FLNB: variants seen among roughly 807,000 people sequenced by gnomAD.
FLNB encodes the protein filamin B, also known as filamin-B.
FLNB carries 111 observed loss-of-function variants against 250.6 expected under a neutral mutation model. The ratio of observed to expected loss-of-function variants is 0.44; its 90% CI spans 0.38 to 0.52. The LOEUF is 0.52. Among genes scored for constraint, FLNB ranks in the 20% least tolerant of loss-of-function variants. The probability of loss-of-function intolerance (pLI) is 0.00; values close to 1 mark genes in which losing one functional copy is unlikely to be tolerated. For synonymous variants in FLNB, 1,302 were observed against 1,372.1 expected (o/e 0.95, Z 1.13); for missense variants, 2,869 against 3,447.8 (o/e 0.83, Z 4.20).
At chr3:58,084,790 C>T (rs1463327631) in intron 4 of FLNB, among the ~76,000 whole-genome samples, 4 of 152,072 alleles carry the variant, frequency 2.6e-5, no homozygotes, top group African/African-American at 9.7e-5. Context: ...CTCCTGGTAA[C>T]CTTTATTCTA....
rs1282582191 is a variant in FLNB at position 58,154,865 on chromosome 3, G to A, written c.6709G>A (p.Glu2237Lys). Reference sequence around the variant, plus strand: ...CGCTGTTGAGGGCCCCAGTAAGGCCGAGATTACATTCGATGACCATAAAAA... The same window carrying A: ...CGCTGTTGAGGGCCCCAGTAAGGCCAAGATTACATTCGATGACCATAAAAA... Reference protein sequence around the residue: ...SIAVEGPSKAEITFDDHKNGS... With the variant: ...SIAVEGPSKAKITFDDHKNGS... Residue 2237 changes from glutamate to lysine, a missense_variant, in exon 40 of 46, where the codon GAG becomes AAG. Glu to Lys is a moderately conservative substitution (Grantham distance 56). This residue lies in a region of FLNB where 1,084 missense variants were observed against 1,315.5 expected (regional missense o/e 0.82). Transcript: ENST00000295956. 9.3e-6 allele frequency: 15 copies of A among 1,614,054 alleles called. No individual in the cohort carries two copies. Among genetic ancestry groups the A allele is most frequent in the East Asian group, 2.2e-5 (1 of 44,878 alleles).
At chr3:58,105,349 G>T in intron 11 of FLNB, 133 bp downstream of exon 11, 1 of 1,097,428 alleles carries the variant, frequency 9.1e-7, no homozygotes, top group East Asian at 2.5e-5. Flanking sequence ...GCCACCCTAA[G>T]CCATCTCTGC....
At chr3:58,099,787 A>G (rs576301657) in intron 8 of FLNB, among the ~76,000 whole-genome samples, 2 of 152,174 alleles carry the variant, frequency 1.3e-5, no homozygotes, top group Admixed American at 1.3e-4. Context: ...GCTGCTTGTG[A>G]ATGTTAGCTG....
chr3:58,168,894 TA>T, intron 44 of FLNB: 1 of 543,734 alleles, frequency 1.8e-6, no homozygotes, highest in Non-Finnish European at 3.3e-6. Flanking sequence ...TTTCTATCTC[TA>T]ACAGGAAAGA....
At chr3:58,042,978 C>T (rs1559653410) in intron 1 of FLNB, among the ~76,000 whole-genome samples, 1 of 152,074 alleles carries the variant, frequency 6.6e-6, no homozygotes, top group Non-Finnish European at 1.5e-5. Flanking sequence ...CTGTTGAGCA[C>T]AGTCATTTGA....
In FLNB at chr3:58,109,324, T is replaced by C; in HGVS notation, c.2199+2T>C. The C allele has an allele frequency of 1.2e-6, 2 of 1,612,692 alleles. No homozygotes were observed. The highest frequency in any genetic ancestry group is 1.7e-6 in the Non-Finnish European group (2 of 1,179,470). ...AACATCCCGCACAGCCCCTACAGGG[T>C]AGGTTGTGAGGCAGAATCCTGGCTG... is the stretch of plus-strand genomic sequence containing the variant. On this transcript the variant is annotated splice_donor_variant, in intron 14 of 45. Coordinates refer to ENST00000295956, the MANE Select transcript of FLNB (RefSeq NM_001457.4). LOFTEE classifies it high-confidence loss of function.
At chr3:58,146,714 C>T in intron 33 of FLNB, 106 bp from the exon 34 acceptor site, 1 of 1,175,694 alleles carries the variant, frequency 8.5e-7, no homozygotes, top group South Asian at 1.3e-5. Context: ...TGCGTCAATC[C>T]ATTGTCCCCA....
At chr3:58,063,163 C>T (rs144612862) in intron 1 of FLNB, among the ~76,000 whole-genome samples, 8 of 152,180 alleles carry the variant, frequency 5.3e-5, no homozygotes, top group Non-Finnish European at 1.2e-4. Flanking sequence ...CCCAGCAGGA[C>T]GTCTGAACTT....
chr3:58,023,038 A>G (rs1037658708), intron 1 of FLNB, among the ~76,000 whole-genome samples: 3 of 149,238 alleles, frequency 2.0e-5, no homozygotes, highest in African/African-American at 5.0e-5. Context: ...CTGGTCCTGA[A>G]CTCCTGATCT....
In FLNB at chr3:58,123,703, TAAAAAAAAAA is replaced by T. The variant is rs56147140; in HGVS notation, c.3724+27_3724+36del. 54 of 1,117,342 alleles carry T rather than the reference TAAAAAAAAAA, an allele frequency of 4.8e-5. No individual in the cohort carries two copies. The Admixed American group carries it at 1.4e-3, about 28-fold the overall frequency. 69.2% of individuals were successfully genotyped at this position (1,117,342 alleles called of 1,614,324 possible). ...ATAGAAGGGAAAGGTGGGTTTCATT[TAAAAAAAAAA>T]AAAAAAAAAAAAAGACAAGCTGGGA... On this transcript the variant is annotated intron_variant, in intron 21 of 45. Coordinates refer to ENST00000295956, the MANE Select transcript of FLNB (RefSeq NM_001457.4).
intron 1 of FLNB, among the ~76,000 whole-genome samples, chr3:58,028,278 T>A (rs184222372): frequency 5.1e-4 from 78 of 152,294 alleles, no homozygotes; most frequent in Middle Eastern, 3.4e-3. Context: ...GGTCATAGAA[T>A]ATTGAATACA....
intron 2 of FLNB, chr3:58,078,125 G>A: frequency 3.8e-6 from 1 of 263,142 alleles, no homozygotes; most frequent in East Asian, 1.8e-4. Context: ...TTACTTGAGA[G>A]CCTATAAGTT....
intron 6 of FLNB, among the ~76,000 whole-genome samples, chr3:58,097,212 T>C (rs2097240467): frequency 6.6e-6 from 1 of 152,218 alleles, no homozygotes; most frequent in African/African-American, 2.4e-5. Context: ...GCCTTAGCGT[T>C]CTCTTAGACT....
intron 38 of FLNB, 136 bp from the exon 39 acceptor site, chr3:58,153,239 G>C: frequency 9.7e-7 from 1 of 1,028,788 alleles, no homozygotes; most frequent in Non-Finnish European, 1.5e-6. Context: ...CCAGCCTGAA[G>C]GGAAGGAAGC....
chr3:58,061,594 G>A (rs1374031338), intron 1 of FLNB, among the ~76,000 whole-genome samples: 2 of 151,752 alleles, frequency 1.3e-5, no homozygotes, highest in Admixed American at 6.6e-5. Context: ...AGGCATGGTG[G>A]TGACTGTCCC....
Position 58,158,062 on chromosome 3 carries a change from T to C in FLNB, c.6889-1492T>C, listed in dbSNP as rs566065710. On this transcript the variant is annotated intron_variant, in intron 41 of 45. Transcript: ENST00000295956. ...GCAAAGAGAGGCATGTATCGTTTTG[T>C]CTTGCTTTTGAGACTTTTTAGGAAA... 3.3e-5 allele frequency among the ~76,000 whole-genome samples: 5 copies of C among 151,964 alleles called. 1 individual carries two copies. The South Asian group carries it at 1.0e-3, about 32-fold the overall frequency.
chr3:58,135,551 G>T (rs1335812827), intron 27 of FLNB, among the ~76,000 whole-genome samples: 2 of 152,202 alleles, frequency 1.3e-5, no homozygotes, highest in Non-Finnish European at 2.9e-5. Flanking sequence ...TTTGTTGGGG[G>T]TTGGTCACAA....
chr3:58,119,034 A>C (rs1409822216), intron 19 of FLNB, 45 bp downstream of exon 19: 1 of 1,340,920 alleles, frequency 7.5e-7, no homozygotes, highest in East Asian at 2.3e-5. Context: ...ATGACCCCCC[A>C]ACGTGGCTGC....
At chr3:58,090,430 C>A (rs2097224867) in intron 4 of FLNB, among the ~76,000 whole-genome samples, 1 of 152,160 alleles carries the variant, frequency 6.6e-6, no homozygotes, top group Non-Finnish European at 1.5e-5. Flanking sequence ...AATACATAAA[C>A]CAGTAGCATT....
Sources: gnomAD v4.1 joint callset for allele counts (sites outside exome capture counted in the v4.1 genomes callset) on GRCh38, gnomAD v4.1.1 for gene constraint, gnomAD v4.1.1 regional missense constraint, MANE v1.5 for transcripts, NCBI Gene and HGNC (gene_info 2026-07-23, HGNC 2026-07-21) for gene names.